SLC35D2: variants seen among roughly 807,000 people sequenced by gnomAD.
SLC35D2 encodes solute carrier family 35 member D2.
Under a neutral mutation model 41.8 loss-of-function variants are expected in SLC35D2, and 43 were observed. That is an observed-to-expected ratio of 1.03 (90% CI 0.81 to 1.33). The LOEUF (loss-of-function observed/expected upper bound fraction) is 1.33. SLC35D2 is among the 40% of genes most tolerant of loss of function. SLC35D2 has a pLI of 0.00. For missense variants in SLC35D2, 380 were observed against 408.4 expected (o/e 0.93, Z 0.60); for synonymous variants, 150 against 163.9 (o/e 0.92, Z 0.65).
chr9:96,382,538 T>C (rs569570055), intron 1 of SLC35D2, among the ~76,000 whole-genome samples: 4 of 147,872 alleles, frequency 2.7e-5, no homozygotes. Context: ...GCCTCCCAAA[T>C]GCTGTGATTA....
At chr9:96,365,040 CAAAAAAAAAAA>C (rs59249417) in intron 2 of SLC35D2, among the ~76,000 whole-genome samples, 3 of 49,388 alleles carry the variant, frequency 6.1e-5, no homozygotes, top group South Asian at 7.5e-4. Context: ...ACCACTGTCT[CAAAAAAAAAAA>C]AAAAAAAAAA....
In SLC35D2 at chr9:96,350,343, T is replaced by C. The variant is rs113698057; in HGVS notation, c.488+760A>G. 2.4e-3 allele frequency among the ~76,000 whole-genome samples: 352 copies of C among 145,724 alleles called. 2 individuals carry two copies. The highest frequency in any genetic ancestry group is 8.6e-3 in the African/African-American group (329 of 38,444). ...ACACCACGACGCCAGGCTAATTTTC[T>C]TTCCTTTTTTTTTTTTTTTTTTTTT... is the stretch of plus-strand genomic sequence containing the variant. On this transcript the variant is annotated intron_variant, in intron 6 of 11. Coordinates refer to ENST00000253270, the MANE Select transcript of SLC35D2 (RefSeq NM_007001.3).
chr9:96,370,655 T>C (rs997548700), intron 1 of SLC35D2, among the ~76,000 whole-genome samples: 152 of 151,520 alleles, frequency 1.0e-3, no homozygotes, highest in African/African-American at 3.6e-3. Context: ...AGACTCTGTC[T>C]CCAAAAAATA....
At chr9:96,365,040 CAAAAAAAAAAAAA>C (rs59249417) in intron 2 of SLC35D2, among the ~76,000 whole-genome samples, 1 of 49,388 alleles carries the variant, frequency 2.0e-5, no homozygotes, top group Non-Finnish European at 4.1e-5. Context: ...ACCACTGTCT[CAAAAAAAAAAAAA>C]AAAAAAAAAG....
intron 3 of SLC35D2, among the ~76,000 whole-genome samples, chr9:96,361,714 A>G (rs1373435419): frequency 6.6e-6 from 1 of 151,520 alleles, no homozygotes; most frequent in Non-Finnish European, 1.5e-5. Flanking sequence ...AAACAAAAAC[A>G]GAAAAAAAAA....
chr9:96,355,771 C>CA (rs1466870334), intron 4 of SLC35D2, among the ~76,000 whole-genome samples: 2 of 152,124 alleles, frequency 1.3e-5, no homozygotes, highest in Non-Finnish European at 2.9e-5. Flanking sequence ...GCTGGGATTA[C>CA]AGGCGTGAGC....
At chr9:96,376,615 A>G (rs1830973270) in intron 1 of SLC35D2, among the ~76,000 whole-genome samples, 1 of 151,414 alleles carries the variant, frequency 6.6e-6, no homozygotes, top group Non-Finnish European at 1.5e-5. Context: ...ACTCTAAATA[A>G]ATAAATAAAT....
Position 96,343,905 on chromosome 9 carries a change from T to C in SLC35D2, c.683A>G (p.Gln228Arg), listed in dbSNP as rs778975543. 2.0e-6 allele frequency: 3 copies of C among 1,536,398 alleles called. No homozygotes were observed. Among genetic ancestry groups the C allele is most frequent in the Non-Finnish European group, 1.7e-6 (2 of 1,146,178 alleles). The change falls in exon 8 of 12, where the codon CAG becomes CGG. Residue 228 changes from glutamine (Q) to arginine (R), a missense_variant and splice_region_variant. Coordinates refer to ENST00000253270, the MANE Select transcript of SLC35D2 (RefSeq NM_007001.3). ...IISVSTGDLQQATEFNQWKNV... is the reference protein window; with the variant it reads ...IISVSTGDLQRATEFNQWKNV... ...CTGTAATGATTGTCATCAGCTCACCTGTTGCAGGTCTCCAGTGGAGACACT... is the reference window on the plus strand; with the variant it reads ...CTGTAATGATTGTCATCAGCTCACCCGTTGCAGGTCTCCAGTGGAGACACT...
intron 9 of SLC35D2, among the ~76,000 whole-genome samples, chr9:96,332,273 A>G (rs1828842545): frequency 1.3e-5 from 2 of 151,920 alleles, no homozygotes; most frequent in Admixed American, 1.3e-4. Context: ...ATCCCTTCGC[A>G]CCCGTCAGGA....
chr9:96,336,698 C>T lies in SLC35D2; in HGVS notation c.752+19G>A, dbSNP rs761461282. On this transcript the variant is annotated intron_variant, in intron 9 of 11. Transcript: ENST00000253270. ...GAGATACTGTTGACCAATGCTTCTA[C>T]TTATCTATGGTTTCTTACCCCAAAA... is the stretch of plus-strand genomic sequence containing the variant. 37 of 1,446,872 alleles carry T rather than the reference C, an allele frequency of 2.6e-5. No homozygotes were observed. Among genetic ancestry groups the T allele is most frequent in the Non-Finnish European group, 4.8e-6 (5 of 1,039,026 alleles). The allele number at this position is 1,446,872 out of a possible 1,614,324, so 89.6% of individuals were successfully genotyped here. A position where few individuals can be genotyped will look rare whatever the true frequency, so the allele number is the denominator to read the frequency against.
chr9:96,351,905 A>C, intron 5 of SLC35D2, 133 bp downstream of exon 5: 2 of 525,682 alleles, frequency 3.8e-6, no homozygotes, highest in Non-Finnish European at 6.8e-6. Context: ...ACAGAAGCAC[A>C]AAACTACTTT....
At chr9:96,364,855 C>A (rs1250481229) in intron 2 of SLC35D2, among the ~76,000 whole-genome samples, 1 of 151,792 alleles carries the variant, frequency 6.6e-6, no homozygotes, top group Non-Finnish European at 1.5e-5. Context: ...GAGCTCAAGA[C>A]CAGCCAGGCC....
rs184419147 is a variant in SLC35D2 at position 96,376,078 on chromosome 9, G to A, written c.158+7399C>T. ...TGGGAGGCTGAGGCAGGCGAATCACGAGGTCAAGAGTTCGAGACCAGCCTG... is the reference window on the plus strand; with the variant it reads ...TGGGAGGCTGAGGCAGGCGAATCACAAGGTCAAGAGTTCGAGACCAGCCTG... On this transcript the variant is annotated intron_variant, in intron 1 of 11. Coordinates refer to ENST00000253270, the MANE Select transcript of SLC35D2 (RefSeq NM_007001.3). Among the ~76,000 whole-genome samples the A allele has an allele frequency of 1.7e-3, 263 of 151,350 alleles. 1 individual carries two copies. The highest frequency in any genetic ancestry group is 2.6e-3 in the Non-Finnish European group (175 of 67,840).
intron 8 of SLC35D2, among the ~76,000 whole-genome samples, chr9:96,341,107 T>G (rs1384409868): frequency 6.6e-6 from 1 of 152,122 alleles, no homozygotes; most frequent in East Asian, 1.9e-4. Context: ...GCCAACATGG[T>G]GAAACCCCGT....
At chr9:96,355,383 C>G (rs572472114) in intron 4 of SLC35D2, among the ~76,000 whole-genome samples, 1 of 151,758 alleles carries the variant, frequency 6.6e-6, no homozygotes, top group South Asian at 2.1e-4. Flanking sequence ...ACTTGGGAGG[C>G]TGAGACAAGA....
chr9:96,335,362 T>C (rs1376245847), intron 9 of SLC35D2, among the ~76,000 whole-genome samples: 2 of 150,402 alleles, frequency 1.3e-5, no homozygotes, highest in Admixed American at 6.6e-5. Context: ...TTATTCTTTT[T>C]GTTTGTTTGT....
chr9:96,362,810 T>C (rs1233858225), intron 3 of SLC35D2, among the ~76,000 whole-genome samples: 3 of 152,040 alleles, frequency 2.0e-5, no homozygotes, highest in Admixed American at 6.6e-5. Flanking sequence ...GATGATTAGG[T>C]TGACAGCTTT....
chr9:96,371,031 T>C (rs1125963), intron 1 of SLC35D2, among the ~76,000 whole-genome samples: 43,449 of 152,054 alleles, frequency 0.29, 8,538 homozygotes, highest in African/African-American at 0.57. Flanking sequence ...GAAAACAACT[T>C]TAAAAGATAA....
intron 10 of SLC35D2, among the ~76,000 whole-genome samples, chr9:96,322,630 A>C (rs1429181567): frequency 6.6e-6 from 1 of 152,002 alleles, no homozygotes; most frequent in Non-Finnish European, 1.5e-5. Context: ...TCCAGTTGGC[A>C]TGCAGGCAAA....
Sources: allele counts gnomAD v4.1 joint callset (sites outside exome capture counted in the v4.1 genomes callset), GRCh38; gene constraint gnomAD v4.1.1; transcripts MANE v1.5; gene names NCBI Gene and HGNC (gene_info 2026-07-23, HGNC 2026-07-21).